Variants in VMP1 observed in about 807,000 individuals in gnomAD.
The protein encoded by VMP1 is ectopic P-granules autophagy protein 3 homolog.
In VMP1, 11 loss-of-function variants were observed where a neutral mutation model predicts 56.0. The ratio of observed to expected loss-of-function variants is 0.20; its 90% CI spans 0.12 to 0.32. The LOEUF is 0.32. Among genes scored for constraint, VMP1 ranks in the 10% least tolerant of loss-of-function variants. The pLI is 1.00. For missense variants in VMP1, 296 were observed against 490.3 expected (o/e 0.60, Z 3.74); for synonymous variants, 149 against 165.0 (o/e 0.90, Z 0.74).
chr17:59,796,645 T>G (rs1307115394), intron 7 of VMP1, among the ~76,000 whole-genome samples: 1 of 152,232 alleles, frequency 6.6e-6, no homozygotes, highest in East Asian at 1.9e-4. Flanking sequence ...TTTCAAAATG[T>G]TATAAGTTGT....
intron 7 of VMP1, among the ~76,000 whole-genome samples, chr17:59,801,091 A>AATATAT (rs66523131): frequency 8.2e-5 from 9 of 109,356 alleles, no homozygotes; most frequent in East Asian, 2.5e-4. Context: ...AAAAAAAAAA[A>AATATAT]ATATATATAT....
intron 5 of VMP1, among the ~76,000 whole-genome samples, chr17:59,749,275 T>C (rs1316451103): frequency 6.6e-6 from 1 of 151,768 alleles, no homozygotes; most frequent in East Asian, 1.9e-4. Context: ...TTTAAATATA[T>C]GTTTAAAGGT....
At position 59,754,221 on chromosome 17, in the gene VMP1, CATCTT is replaced by C. The variant is rs2035756661; in HGVS notation, c.415-10748_415-10744del. 3.9e-5 allele frequency among the ~76,000 whole-genome samples: 6 copies of C among 152,212 alleles called. No individual in the cohort carries two copies. The South Asian group carries it at 1.0e-3, about 26-fold the overall frequency. ...AAAATTATACATTTAAAAAATCTGA[CATCTT>C]AATTGCTTTTTCATATTTATGACCT... On this transcript the variant is annotated intron_variant, in intron 5 of 11. Transcript: ENST00000262291.
In VMP1 at chr17:59,838,394, A is replaced by G. The variant is rs763758018; in HGVS notation, c.1074A>G (p.Pro358=). 5 of 1,614,076 alleles carry G rather than the reference A, an allele frequency of 3.1e-6. No homozygotes were observed. The African/African-American group carries it at 5.3e-5, about 17-fold the overall frequency. The change falls in exon 11 of 12, where the codon CCA becomes CCG. Residue 358 remains proline, a synonymous_variant. Transcript: ENST00000262291. The part of the protein sequence containing the change: ...KLHHKSEMGT[P]QGENWLSWMF... Reference sequence around the variant, plus strand: ...ACCACAAAAGCGAAATGGGCACACCACAGGTAAGACTTTAATCCGGTTTCT... The same window carrying G: ...ACCACAAAAGCGAAATGGGCACACCGCAGGTAAGACTTTAATCCGGTTTCT...
rs2039145530 is a variant in VMP1, at chr17:59,841,174, GGTTT to G, written c.*1268_*1271del. On this transcript the variant is annotated 3_prime_UTR_variant, in exon 12 of 12. Transcript: ENST00000262291. ...AGGCCAGAAATGCCTGGGTTTTTTTGGTTTGTTTTTGTTTTTGTTTTTTTATCAA... is the reference window on the plus strand; with the variant it reads ...AGGCCAGAAATGCCTGGGTTTTTTTGGTTTTTGTTTTTGTTTTTTTATCAA... 4.1e-5 allele frequency: 16 copies of G among 386,888 alleles called. No homozygotes were observed. Among genetic ancestry groups the G allele is most frequent in the South Asian group, 3.4e-4 (16 of 47,558 alleles). The allele number at this position is 386,888 out of a possible 1,614,324, so 24.0% of individuals were successfully genotyped here. A position where few individuals can be genotyped will look rare whatever the true frequency, so the allele number is the denominator to read the frequency against.
At chr17:59,798,497 A>T (rs1332719030) in intron 7 of VMP1, among the ~76,000 whole-genome samples, 1 of 152,262 alleles carries the variant, frequency 6.6e-6, no homozygotes, top group East Asian at 1.9e-4. Context: ...TTAGCAACCC[A>T]GAGCCAATTT....
chr17:59,793,640 T>A (rs1364118175), intron 7 of VMP1, among the ~76,000 whole-genome samples: 1 of 115,864 alleles, frequency 8.6e-6, no homozygotes, highest in African/African-American at 2.6e-5. Context: ...TTATTTATTT[T>A]TTTTGAGATG....
At chr17:59,720,429 T>C (rs1250165558) in intron 1 of VMP1, among the ~76,000 whole-genome samples, 1 of 152,204 alleles carries the variant, frequency 6.6e-6, no homozygotes, top group Non-Finnish European at 1.5e-5. Flanking sequence ...GTTCTAAATC[T>C]GTGGCTACTT....
intron 1 of VMP1, among the ~76,000 whole-genome samples, chr17:59,725,852 C>T (rs962198422): frequency 6.6e-6 from 1 of 152,144 alleles, no homozygotes; most frequent in African/African-American, 2.4e-5. Context: ...TGTAAGAGCA[C>T]ATTATTTGCT....
intron 5 of VMP1, among the ~76,000 whole-genome samples, chr17:59,746,080 C>T (rs1280340419): frequency 2.0e-5 from 3 of 152,174 alleles, no homozygotes; most frequent in Non-Finnish European, 4.4e-5. Flanking sequence ...AAAAGACTTA[C>T]TAAATTTCCT....
intron 7 of VMP1, among the ~76,000 whole-genome samples, chr17:59,781,688 G>GT (rs1568135208): frequency 2.6e-5 from 4 of 151,876 alleles, no homozygotes; most frequent in African/African-American, 9.7e-5. Context: ...GCTATAACGG[G>GT]TTTTTTTCTT....
At chr17:59,814,269 G>T (rs768083615) in intron 9 of VMP1, among the ~76,000 whole-genome samples, 1 of 152,134 alleles carries the variant, frequency 6.6e-6, no homozygotes, top group Non-Finnish European at 1.5e-5. Context: ...GATCCACTGC[G>T]CCTGGCCGAT....
chr17:59,747,731 A>G (rs566140918), intron 5 of VMP1, among the ~76,000 whole-genome samples: 1 of 151,874 alleles, frequency 6.6e-6, no homozygotes, highest in African/African-American at 2.4e-5. Context: ...TTCTTTAAAA[A>G]AAAAATTATT....
At chr17:59,742,848 C>T (rs955887796) in intron 5 of VMP1, among the ~76,000 whole-genome samples, 12 of 152,176 alleles carry the variant, frequency 7.9e-5, no homozygotes, top group African/African-American at 2.4e-4. Context: ...TTGTGAACTG[C>T]ACATACGAGG....
At chr17:59,809,399 C>G (rs1226306058) in intron 8 of VMP1, among the ~76,000 whole-genome samples, 1 of 145,188 alleles carries the variant, frequency 6.9e-6, no homozygotes, top group South Asian at 2.2e-4. Context: ...TCACTGCAAC[C>G]TCCACCTCCC....
intron 7 of VMP1, among the ~76,000 whole-genome samples, chr17:59,792,511 T>C (rs936129776): frequency 3.3e-5 from 5 of 152,162 alleles, no homozygotes; most frequent in African/African-American, 1.2e-4. Context: ...ATTATTGTTA[T>C]GTTTTATACA....
chr17:59,727,826 C>G (rs1464303725), intron 1 of VMP1, among the ~76,000 whole-genome samples: 1 of 152,198 alleles, frequency 6.6e-6, no homozygotes, highest in Non-Finnish European at 1.5e-5. Flanking sequence ...ATTATTTCAT[C>G]TACACATCAA....
intron 7 of VMP1, among the ~76,000 whole-genome samples, chr17:59,805,232 C>T (rs2037806178): frequency 6.6e-6 from 1 of 152,170 alleles, no homozygotes; most frequent in Non-Finnish European, 1.5e-5. Flanking sequence ...AGCACCCAGG[C>T]ATCTGAAAGA....
At chr17:59,724,334 T>TA (rs949150291) in intron 1 of VMP1, among the ~76,000 whole-genome samples, 4 of 151,084 alleles carry the variant, frequency 2.6e-5, no homozygotes, top group Non-Finnish European at 4.4e-5. Context: ...GTTGTCAAAG[T>TA]AAAAAAAAAG....
Sources: allele counts gnomAD v4.1 joint callset (sites outside exome capture counted in the v4.1 genomes callset), GRCh38; gene constraint gnomAD v4.1.1; transcripts MANE v1.5; gene names NCBI Gene and HGNC (gene_info 2026-07-23, HGNC 2026-07-21).